The following EYS variants were observed in gnomAD, a reference collection of about 807,000 sequenced individuals.
EYS encodes the protein EGF-like photoreceptor maintenance factor.
In EYS, 250 loss-of-function variants were observed where a neutral mutation model predicts 282.1. The observed-to-expected ratio is 0.89, with a 90% CI of 0.80 to 0.98. The LOEUF (loss-of-function observed/expected upper bound fraction) is 0.98, where lower values mean the gene tolerates loss of function less well. EYS is among the 50% of genes least tolerant of loss of function. The pLI is 0.00. For synonymous variants in EYS, 1,355 were observed against 1,282.9 expected (o/e 1.06, Z -1.20); for missense variants, 4,016 against 3,709.0 (o/e 1.08, Z -2.15).
At chr6:64,463,444 A>C (rs1462111402) in intron 26 of EYS, among the ~76,000 whole-genome samples, 1 of 152,260 alleles carries the variant, frequency 6.6e-6, no homozygotes. Flanking sequence ...ATATACAAAT[A>C]TTAGTTAAGC....
intron 28 of EYS, among the ~76,000 whole-genome samples, chr6:64,405,310 C>T (rs1157799072): frequency 6.6e-6 from 1 of 152,082 alleles, no homozygotes; most frequent in Non-Finnish European, 1.5e-5. Context: ...TAGTTTTCTT[C>T]TTAAAGGGAG....
intron 31 of EYS, among the ~76,000 whole-genome samples, chr6:64,161,474 G>A (rs1311588597): frequency 6.6e-6 from 1 of 152,156 alleles, no homozygotes; most frequent in African/African-American, 2.4e-5. Flanking sequence ...TAATGTCTTA[G>A]TAATTGCATT....
chr6:65,465,404 G>A (rs531893727), intron 5 of EYS, among the ~76,000 whole-genome samples: 1 of 152,170 alleles, frequency 6.6e-6, no homozygotes, highest in South Asian at 2.1e-4. Flanking sequence ...TTGAATCCAG[G>A]AGGTCCAGGT....
At chr6:63,833,459 A>G (rs1342050521) in intron 36 of EYS, among the ~76,000 whole-genome samples, 1 of 152,184 alleles carries the variant, frequency 6.6e-6, no homozygotes, top group Non-Finnish European at 1.5e-5. Flanking sequence ...CCCATTCACA[A>G]TTGCTTCAAA....
intron 12 of EYS, among the ~76,000 whole-genome samples, chr6:65,085,962 T>C (rs1374801943): frequency 1.3e-5 from 2 of 151,882 alleles, no homozygotes; most frequent in Non-Finnish European, 2.9e-5. Context: ...CTCCCTTCTC[T>C]ACGTCTATAA....
chr6:65,698,365 T>C (rs984624506), intron 1 of EYS, among the ~76,000 whole-genome samples: 1 of 152,170 alleles, frequency 6.6e-6, no homozygotes, highest in Admixed American at 6.6e-5. Context: ...ATAAAAGTAT[T>C]TGTAGCTAAC....
chr6:63,924,278 A>G (rs1223553826), intron 35 of EYS, among the ~76,000 whole-genome samples: 1 of 152,210 alleles, frequency 6.6e-6, no homozygotes, highest in Non-Finnish European at 1.5e-5. Flanking sequence ...GCTTATAGTG[A>G]ATCAAAACTC....
At chr6:64,733,291 G>A in intron 22 of EYS, 1 of 160,192 alleles carries the variant, frequency 6.2e-6, no homozygotes, top group Middle Eastern at 1.5e-3. Context: ...ACCTCCAAGT[G>A]CTTTGGGGCC....
intron 26 of EYS, among the ~76,000 whole-genome samples, chr6:64,520,534 A>G (rs1442347938): frequency 6.6e-6 from 1 of 151,724 alleles, no homozygotes; most frequent in Non-Finnish European, 1.5e-5. Context: ...CATTTTGATT[A>G]TAATATTGAG....
intron 12 of EYS, among the ~76,000 whole-genome samples, chr6:65,224,184 A>T (rs1766553746): frequency 6.6e-6 from 1 of 152,030 alleles, no homozygotes; most frequent in Admixed American, 6.6e-5. Flanking sequence ...AGCAGTCTCA[A>T]AATATTAAAA....
chr6:65,221,046 T>G (rs1179820183), intron 12 of EYS, among the ~76,000 whole-genome samples: 1 of 152,218 alleles, frequency 6.6e-6, no homozygotes, highest in African/African-American at 2.4e-5. Context: ...ACTTGGGTAC[T>G]GTAAAATCAT....
At chr6:64,384,590 C>G (rs764629008) in intron 29 of EYS, among the ~76,000 whole-genome samples, 26 of 152,224 alleles carry the variant, frequency 1.7e-4, no homozygotes, top group African/African-American at 5.5e-4. Flanking sequence ...CTGGTAACAT[C>G]TGCATTTACT....
intron 12 of EYS, among the ~76,000 whole-genome samples, chr6:65,125,891 G>A (rs79332433): frequency 0.024 from 3,669 of 152,166 alleles, 64 homozygotes; most frequent in Non-Finnish European, 0.042. Flanking sequence ...CTTTTTGTGC[G>A]CTCTTGGGGT....
At chr6:64,092,438 G>C (rs1174208000) in intron 31 of EYS, among the ~76,000 whole-genome samples, 5 of 151,718 alleles carry the variant, frequency 3.3e-5, no homozygotes, top group African/African-American at 1.2e-4. Flanking sequence ...TTTAATGATT[G>C]CCATTCTAAC....
In EYS at chr6:65,494,724, A is replaced by G. The variant is rs752921104; in HGVS notation, c.687T>C (p.Ile229=). The G allele has an allele frequency of 6.2e-6, 10 of 1,610,136 alleles. No homozygotes were observed. The highest frequency in any genetic ancestry group is 8.5e-6 in the Non-Finnish European group (10 of 1,177,702). The change falls in exon 4 of 43, where the codon ATT becomes ATC. Residue 229 remains isoleucine, a synonymous_variant. Transcript: ENST00000503581. ...FKPCKNNGSC[I]NKRENWDEQA... is the part of the protein sequence containing the mutation. ...GCTCATCCCAATTTTCTCTTTTATT[A>G]ATGCAACTGCCATTATTTTTACATG... is the stretch of plus-strand genomic sequence containing the variant.
chr6:64,644,952 T>G (rs115863187), intron 22 of EYS, among the ~76,000 whole-genome samples: 2,233 of 152,274 alleles, frequency 0.015, 50 homozygotes, highest in African/African-American at 0.052. Context: ...CTTTTATTAG[T>G]AGTTATTTTC....
intron 31 of EYS, among the ~76,000 whole-genome samples, chr6:64,146,102 C>T (rs2150291147): frequency 6.6e-6 from 1 of 152,148 alleles, no homozygotes; most frequent in South Asian, 2.1e-4. Context: ...CTGTGGGGAC[C>T]TACTTAAGGG....
At chr6:64,125,177 GCT>G (rs554215677) in intron 31 of EYS, among the ~76,000 whole-genome samples, 2 of 134,284 alleles carry the variant, frequency 1.5e-5, no homozygotes, top group Non-Finnish European at 3.2e-5. Context: ...TCTCTCTCTC[GCT>G]CTCTCTCTCT....
chr6:64,788,976 A>T (rs540575638), intron 22 of EYS, among the ~76,000 whole-genome samples: 2 of 152,180 alleles, frequency 1.3e-5, no homozygotes, highest in South Asian at 4.1e-4. Context: ...AGTGATTGCA[A>T]TTTTCAACCT....
Sources: allele counts gnomAD v4.1 joint callset (sites outside exome capture counted in the v4.1 genomes callset), GRCh38; gene constraint gnomAD v4.1.1; transcripts MANE v1.5; gene names NCBI Gene and HGNC (gene_info 2026-07-23, HGNC 2026-07-21).